The following PLEKHG7 variants were observed in gnomAD, a reference collection of about 807,000 sequenced individuals.
PLEKHG7 encodes the protein pleckstrin homology domain-containing family G member 7.
A neutral mutation model predicts 85.2 loss-of-function variants in PLEKHG7; 77 were observed. The observed-to-expected ratio is 0.90, with a 90% confidence interval of 0.75 to 1.09. PLEKHG7 has a LOEUF of 1.09. Ranked by LOEUF, PLEKHG7 falls within the 50% of genes least tolerant of loss-of-function variation. The pLI, the probability that PLEKHG7 is intolerant of heterozygous loss-of-function variation, is 0.00. For synonymous variants in PLEKHG7, 301 were observed against 302.4 expected (o/e 1.00, Z 0.05); for missense variants, 777 against 804.3 (o/e 0.97, Z 0.41).
intron 5 of PLEKHG7, 51 bp from the exon 6 acceptor site, chr12:92,736,431 T>G: frequency 3.7e-6 from 4 of 1,084,658 alleles, no homozygotes; most frequent in Non-Finnish European, 4.7e-6. Flanking sequence ...CGAAGTCATG[T>G]CATTAAAGAA....
rs12318577 is a variant in PLEKHG7, at chr12:92,736,990, C to T, written c.796-388C>T. Among the ~76,000 whole-genome samples the T allele has an allele frequency of 2.9e-3, 445 of 152,254 alleles. 3 individuals are homozygous for T. Among genetic ancestry groups the T allele is most frequent in the African/African-American group, 6.5e-3 (269 of 41,554 alleles). On this transcript the variant is annotated intron_variant, in intron 6 of 16. Transcript: ENST00000344636. ...AGTTAATTTCAATAAGTTTTGCCAA[C>T]GGAACCTGGAATCAGACTTCCCAGT... is the stretch of plus-strand genomic sequence containing the variant.
intron 1 of PLEKHG7, 88 bp from the exon 2 acceptor site, chr12:92,706,383 A>C (rs1435896279): frequency 4.5e-6 from 2 of 448,620 alleles, no homozygotes; most frequent in Non-Finnish European, 7.8e-6. Context: ...AAGAATTAGA[A>C]GTTTTCCTTT....
chr12:92,704,267 G>GA (rs537713805), intron 1 of PLEKHG7, among the ~76,000 whole-genome samples: 4,333 of 139,426 alleles, frequency 0.031, 89 homozygotes, highest in Middle Eastern at 0.074. Flanking sequence ...TCTCTAAAAA[G>GA]AAAAAAAAAA....
At chr12:92,739,698 A>G (rs1476194287) in intron 7 of PLEKHG7, among the ~76,000 whole-genome samples, 1 of 152,232 alleles carries the variant, frequency 6.6e-6, no homozygotes, top group Non-Finnish European at 1.5e-5. Flanking sequence ...TATAATAAAT[A>G]TACTGGAAGA....
intron 3 of PLEKHG7, among the ~76,000 whole-genome samples, chr12:92,710,316 ATT>A (rs1871343036): frequency 6.6e-6 from 1 of 152,246 alleles, no homozygotes; most frequent in Admixed American, 6.5e-5. Flanking sequence ...TCAAAAGGCC[ATT>A]CCACCATTCT....
In PLEKHG7 at chr12:92,703,740, A is replaced by G. The variant is rs143733571; in HGVS notation, c.-162+608A>G. Among the ~76,000 whole-genome samples, 13 of 152,382 alleles carry G rather than the reference A, an allele frequency of 8.5e-5. No individual in the cohort carries two copies. The East Asian group carries it at 2.3e-3, about 27-fold the overall frequency. ...TAAAGTTTCTCCATTTCCGCAGTGC[A>G]TCATGTCGGCAGTTACTATTGCCTT... On this transcript the variant is annotated intron_variant, in intron 1 of 16. Coordinates refer to ENST00000344636, the MANE Select transcript of PLEKHG7 (RefSeq NM_001377329.1).
chr12:92,746,182 C>A (rs1446207254), intron 10 of PLEKHG7, among the ~76,000 whole-genome samples: 1 of 152,212 alleles, frequency 6.6e-6, no homozygotes, highest in African/African-American at 2.4e-5. Context: ...TCTGTTGGTC[C>A]CTGCTTTGAT....
At chr12:92,722,927 T>C (rs988858115) in intron 3 of PLEKHG7, among the ~76,000 whole-genome samples, 1 of 152,184 alleles carries the variant, frequency 6.6e-6, no homozygotes, top group African/African-American at 2.4e-5. Context: ...AACGTGTTTA[T>C]TATAAAGAGA....
At chr12:92,729,160 T>C in intron 4 of PLEKHG7, 40 bp downstream of exon 4, 1 of 1,231,218 alleles carries the variant, frequency 8.1e-7, no homozygotes, top group Non-Finnish European at 1.0e-6. Flanking sequence ...ATGCCCACTG[T>C]GGAACAGATA....
intron 3 of PLEKHG7, among the ~76,000 whole-genome samples, chr12:92,726,473 A>G (rs1164528490): frequency 1.3e-5 from 2 of 152,206 alleles, no homozygotes; most frequent in Non-Finnish European, 2.9e-5. Context: ...AAATATAGAG[A>G]TTACATTGGT....
chr12:92,752,546 A>C (rs1207631442), intron 10 of PLEKHG7, among the ~76,000 whole-genome samples: 2 of 152,164 alleles, frequency 1.3e-5, no homozygotes, highest in East Asian at 3.9e-4. Flanking sequence ...AAGGACTGAC[A>C]CGTGGGCTTG....
chr12:92,766,476 C>T (rs1050191045), intron 15 of PLEKHG7, among the ~76,000 whole-genome samples: 2 of 151,930 alleles, frequency 1.3e-5, no homozygotes, highest in African/African-American at 2.4e-5. Context: ...CTAATGTCAC[C>T]GGATTACCTT....
At chr12:92,736,789 CA>C (rs1307326732) in intron 6 of PLEKHG7, among the ~76,000 whole-genome samples, 7 of 152,174 alleles carry the variant, frequency 4.6e-5, no homozygotes, top group Non-Finnish European at 8.8e-5. Context: ...AATAAGGTAA[CA>C]AATGTGAGAG....
At chr12:92,718,261 C>A (rs1253079532) in intron 3 of PLEKHG7, among the ~76,000 whole-genome samples, 1 of 152,200 alleles carries the variant, frequency 6.6e-6, no homozygotes, top group Non-Finnish European at 1.5e-5. Flanking sequence ...CCTTGGGGAG[C>A]CTTCCTGATA....
intron 13 of PLEKHG7, among the ~76,000 whole-genome samples, chr12:92,759,652 G>A (rs1253650844): frequency 6.6e-6 from 1 of 152,204 alleles, no homozygotes; most frequent in Non-Finnish European, 1.5e-5. Context: ...TGTTTGCCAT[G>A]TAAGAACACA....
Position 92,736,439 on chromosome 12 carries a change from G to T in PLEKHG7, c.700-43G>T, listed in dbSNP as rs79681862. 1,322 of 1,129,876 alleles carry T rather than the reference G, an allele frequency of 1.2e-3. 12 individuals are homozygous for T. The African/African-American group carries it at 0.017, about 15-fold the overall frequency. 70.0% of individuals were successfully genotyped at this position (1,129,876 alleles called of 1,614,324 possible). ...AGGCTACCGAAGTCATGTCATTAAAGAATCAATGTTTGAAAATCCTGTTTC... is the reference window on the plus strand; with the variant it reads ...AGGCTACCGAAGTCATGTCATTAAATAATCAATGTTTGAAAATCCTGTTTC... On this transcript the variant is annotated intron_variant, in intron 5 of 16. Transcript: ENST00000344636.
At position 92,753,980 on chromosome 12, in the gene PLEKHG7, A is replaced by G; in HGVS notation, c.1252-110A>G. On this transcript the variant is annotated intron_variant, in intron 10 of 16. Coordinates refer to ENST00000344636, the MANE Select transcript of PLEKHG7 (RefSeq NM_001377329.1). ...AAATTGTCCCAGCAAACTCACAAGT[A>G]GGTCCTGCAGTTACTGAGTAAAATC... is the stretch of plus-strand genomic sequence containing the variant. The G allele has an allele frequency of 1.1e-5, 12 of 1,057,216 alleles. 1 individual carries two copies. The South Asian group carries it at 2.0e-4, about 17-fold the overall frequency. The allele number at this position is 1,057,216 out of a possible 1,614,324, so 65.5% of individuals were successfully genotyped here.
intron 10 of PLEKHG7, among the ~76,000 whole-genome samples, chr12:92,751,096 G>A (rs963029000): frequency 5.3e-5 from 8 of 152,202 alleles, no homozygotes; most frequent in Admixed American, 3.3e-4. Context: ...ATTTCAGGCA[G>A]CCCATAACAC....
rs1477037453 is a variant in PLEKHG7 at position 92,770,760 on chromosome 12, T to G, written c.*565T>G. ...TTTAAAATTCCTATTCTCAAACTCA[T>G]CTCAGGTATATAGTACTCTAACGTG... On this transcript the variant is annotated 3_prime_UTR_variant, in exon 17 of 17. Transcript: ENST00000344636. The G allele has an allele frequency of 6.6e-6, 1 of 152,086 alleles. No individual in the cohort carries two copies. The highest frequency in any genetic ancestry group is 6.6e-5 in the Admixed American group (1 of 15,260). The allele number at this position is 152,086 out of a possible 1,614,324, so 9.4% of individuals were successfully genotyped here. A position where few individuals can be genotyped will look rare whatever the true frequency, so the allele number is the denominator to read the frequency against.
Sources: allele counts gnomAD v4.1 joint callset (sites outside exome capture counted in the v4.1 genomes callset), GRCh38; gene constraint gnomAD v4.1.1; transcripts MANE v1.5; gene names NCBI Gene and HGNC (gene_info 2026-07-23, HGNC 2026-07-21).